Variants in GNG4 observed in about 807,000 individuals in gnomAD.
GNG4 encodes the protein guanine nucleotide-binding protein G(I)/G(S)/G(O) subunit gamma-4.
GNG4 carries 4 observed loss-of-function variants against 5.8 expected under a neutral mutation model. That is an observed-to-expected ratio of 0.69 (90% CI 0.34 to 1.57). The LOEUF (loss-of-function observed/expected upper bound fraction) is 1.57. GNG4 is among the 40% of genes most tolerant of loss of function. GNG4 has a pLI of 0.06. For synonymous variants in GNG4, 29 were observed against 32.9 expected (o/e 0.88, Z 0.41); for missense variants, 96 against 95.1 (o/e 1.01, Z -0.04).
chr1:235,575,221 C>T (rs935728512), intron 3 of GNG4, among the ~76,000 whole-genome samples: 1 of 152,110 alleles, frequency 6.6e-6, no homozygotes, highest in African/African-American at 2.4e-5. Flanking sequence ...ATGATTTTTT[C>T]GAATTTACAG....
At chr1:235,556,535 C>T (rs554852458) in intron 3 of GNG4, among the ~76,000 whole-genome samples, 32 of 129,614 alleles carry the variant, frequency 2.5e-4, no homozygotes, top group African/African-American at 7.5e-4. Flanking sequence ...TCCAGCCTGG[C>T]GACAGAGTGA....
At chr1:235,634,226 T>C (rs1413399908) in intron 1 of GNG4, among the ~76,000 whole-genome samples, 1 of 152,162 alleles carries the variant, frequency 6.6e-6, no homozygotes, top group Admixed American at 6.5e-5. Context: ...CTGGGGCCAG[T>C]GGCACGGGCA....
At chr1:235,563,361 G>GC (rs201501071) in intron 3 of GNG4, among the ~76,000 whole-genome samples, 2,150 of 118,430 alleles carry the variant, frequency 0.018, 23 homozygotes, top group Middle Eastern at 0.059. Context: ...AGCAGAGATC[G>GC]CCCCACGGCA....
chr1:235,555,678 C>CT (rs1553363184), intron 3 of GNG4, among the ~76,000 whole-genome samples: 1 of 43,986 alleles, frequency 2.3e-5, no homozygotes, highest in East Asian at 8.7e-4. Flanking sequence ...GACCCTGTCT[C>CT]TAAAAAAAAA....
intron 2 of GNG4, chr1:235,588,888 T>C (rs181644127): frequency 1.0e-4 from 16 of 152,504 alleles, no homozygotes; most frequent in Admixed American, 7.9e-4. Flanking sequence ...GGGCAGCAGC[T>C]CTTCCTCCAC....
Position 235,596,640 on chromosome 1 carries a change from A to G in GNG4, c.-122-1129T>C, listed in dbSNP as rs149332917. ...ATAACTATGGTTAGCCTGTTGATGT[A>G]TAATATACTTACATGCATTAGAAAT... On this transcript the variant is annotated intron_variant, in intron 1 of 3. Coordinates refer to ENST00000391854, the MANE Select transcript of GNG4 (RefSeq NM_001098722.2). 6.0e-3 allele frequency among the ~76,000 whole-genome samples: 911 copies of G among 152,384 alleles called. 9 individuals carry two copies. Among genetic ancestry groups the G allele is most frequent in the African/African-American group, 0.021 (853 of 41,598 alleles).
Position 235,622,589 on chromosome 1 carries a change from T to C in GNG4, c.-123+27073A>G, listed in dbSNP as rs1688732336. 2.0e-5 allele frequency among the ~76,000 whole-genome samples: 3 copies of C among 151,830 alleles called. No individual in the cohort carries two copies. The South Asian group carries it at 6.3e-4, about 32-fold the overall frequency. On this transcript the variant is annotated intron_variant, in intron 1 of 3. Coordinates refer to ENST00000391854, the MANE Select transcript of GNG4 (RefSeq NM_001098722.2). ...ATTCGGCCAGGCACGGTGGCTCACC[T>C]GAGGTCAGGTGGCTCACCCAGCACT...
At chr1:235,647,694 G>A (rs1425242138) in intron 1 of GNG4, among the ~76,000 whole-genome samples, 2 of 152,286 alleles carry the variant, frequency 1.3e-5, no homozygotes, top group Middle Eastern at 3.4e-3. Context: ...GAGTGCAGTG[G>A]CACCATCTCA....
chr1:235,630,870 C>A (rs776784721), intron 1 of GNG4, among the ~76,000 whole-genome samples: 1 of 151,968 alleles, frequency 6.6e-6, no homozygotes, highest in Non-Finnish European at 1.5e-5. Context: ...TGAGCCTAAC[C>A]AATCACCAGC....
chr1:235,636,396 T>C (rs1290158139), intron 1 of GNG4, among the ~76,000 whole-genome samples: 1 of 152,232 alleles, frequency 6.6e-6, no homozygotes, highest in Non-Finnish European at 1.5e-5. Flanking sequence ...CACCAGGTCC[T>C]GCGGTGAGGC....
intron 1 of GNG4, among the ~76,000 whole-genome samples, chr1:235,613,369 A>G (rs774931768): frequency 3.1e-4 from 47 of 152,306 alleles, no homozygotes; most frequent in Non-Finnish European, 3.8e-4. Context: ...TACTCCCCAG[A>G]ACCTGTGAAC....
intron 1 of GNG4, among the ~76,000 whole-genome samples, chr1:235,618,152 A>G (rs1316540882): frequency 6.6e-6 from 1 of 152,210 alleles, no homozygotes; most frequent in African/African-American, 2.4e-5. Context: ...CATAAATAAA[A>G]GCATGAATAA....
At position 235,648,913 on chromosome 1, in the gene GNG4, CTTAAA is replaced by C. The variant is rs1657584418; in HGVS notation, c.-123+744_-123+748del. Among the ~76,000 whole-genome samples the C allele has an allele frequency of 6.6e-6, 1 of 152,186 alleles. No homozygotes were observed. Among genetic ancestry groups the C allele is most frequent in the South Asian group, 2.1e-4 (1 of 4,828 alleles). On this transcript the variant is annotated intron_variant, in intron 1 of 3. Transcript: ENST00000391854. The surrounding 1 kb of genome is among the most constrained non-coding windows in gnomAD (Gnocchi z 5.0). Reference sequence around the variant, plus strand: ...CCCAAATACTCGAAATGAAGCAAATCTTAAATTAAGGAGTCTTTCCCCACCACGCT... The same window carrying C: ...CCCAAATACTCGAAATGAAGCAAATCTTAAGGAGTCTTTCCCCACCACGCT...
At chr1:235,585,758 ACTGGGT>A in intron 2 of GNG4, among the ~76,000 whole-genome samples, 1 of 152,324 alleles carries the variant, frequency 6.6e-6, no homozygotes, top group Middle Eastern at 3.4e-3. Context: ...TTCTGGAATT[ACTGGGT>A]CAAAGGTAAA....
chr1:235,560,581 T>C (rs1375286580), intron 3 of GNG4, among the ~76,000 whole-genome samples: 1 of 152,184 alleles, frequency 6.6e-6, no homozygotes, highest in African/African-American at 2.4e-5. Context: ...GGGTTATTAA[T>C]CCATTATTCA....
intron 3 of GNG4, among the ~76,000 whole-genome samples, chr1:235,570,859 T>TAG (rs2102927752): frequency 1.4e-5 from 1 of 72,972 alleles, no homozygotes; most frequent in Admixed American, 1.2e-4. Context: ...ATTATATATA[T>TAG]ATATGTGTGT....
rs988773227 is a variant in GNG4 at position 235,583,725 on chromosome 1, C to T, written c.99+15G>A. 1.6e-5 allele frequency: 25 copies of T among 1,535,052 alleles called. No homozygotes were observed. Among genetic ancestry groups the T allele is most frequent in the African/African-American group, 2.7e-5 (2 of 73,330 alleles). ...AGCTTCGGGCGGAGGGTGGGGCTGA[C>T]GCATGCATGCTTACCTTGACCCTGT... On this transcript the variant is annotated intron_variant, in intron 3 of 3. Coordinates refer to ENST00000391854, the MANE Select transcript of GNG4 (RefSeq NM_001098722.2).
At chr1:235,643,555 G>T (rs990389554) in intron 1 of GNG4, among the ~76,000 whole-genome samples, 1 of 152,158 alleles carries the variant, frequency 6.6e-6, no homozygotes, top group Non-Finnish European at 1.5e-5. Context: ...TTTATTGCAG[G>T]TGCTTATCAC....
chr1:235,558,310 AAT>A (rs1252072601), intron 3 of GNG4, among the ~76,000 whole-genome samples: 1 of 152,198 alleles, frequency 6.6e-6, no homozygotes, highest in Non-Finnish European at 1.5e-5. Flanking sequence ...CTTACAGCAA[AAT>A]AGTCAAGGGA....
Sources: gnomAD v4.1 joint callset for allele counts (sites outside exome capture counted in the v4.1 genomes callset) on GRCh38, gnomAD v4.1.1 for gene constraint, Gnocchi (gnomAD v3.1) non-coding constraint, MANE v1.5 for transcripts, NCBI Gene and HGNC (gene_info 2026-07-23, HGNC 2026-07-21) for gene names.